The following SNCAIP variants were observed in gnomAD, a reference collection of about 807,000 sequenced individuals.
The protein encoded by SNCAIP is synuclein alpha interacting protein, also known as synphilin-1.
A neutral mutation model predicts 86.7 loss-of-function variants in SNCAIP; 43 were observed. That is an observed-to-expected ratio of 0.50 (90% confidence interval 0.39 to 0.64). SNCAIP has a LOEUF of 0.64. Among genes scored for constraint, SNCAIP ranks in the 30% least tolerant of loss-of-function variants. The probability of loss-of-function intolerance (pLI) is 0.00; values close to 1 mark genes in which losing one functional copy is unlikely to be tolerated. For synonymous variants in SNCAIP, 417 were observed against 427.2 expected, an observed-to-expected ratio of 0.98 and a Z score of 0.29; for missense variants, 981 against 1,103.1, an observed-to-expected ratio of 0.89 and a Z score of 1.57.
intron 1 of SNCAIP, among the ~76,000 whole-genome samples, chr5:122,382,976 A>G (rs1435088912): frequency 2.0e-5 from 3 of 152,172 alleles, no homozygotes; most frequent in Non-Finnish European, 4.4e-5. Context: ...AAGTCTGCAG[A>G]GGTTACTGCT....
At chr5:122,355,252 A>G (rs1760761347) in intron 1 of SNCAIP, among the ~76,000 whole-genome samples, 2 of 152,180 alleles carry the variant, frequency 1.3e-5, no homozygotes, top group Admixed American at 1.3e-4. Flanking sequence ...TGAAGTTTGC[A>G]TATTCTCTTT....
Position 122,396,997 on chromosome 5 carries a change from A to G in SNCAIP, c.57+5806A>G, listed in dbSNP as rs531118062. Among the ~76,000 whole-genome samples, 22 of 152,258 alleles carry G rather than the reference A, an allele frequency of 1.4e-4. No individual in the cohort carries two copies. The South Asian group carries it at 4.6e-3, about 32-fold the overall frequency. The stretch of plus-strand genomic sequence containing the variant: ...TATAAATAATAATATGATTGCTAAC[A>G]TTTATTGAACACTTAACTGTGCATC... On this transcript the variant is annotated intron_variant, in intron 2 of 10. Coordinates refer to ENST00000261368, the MANE Select transcript of SNCAIP (RefSeq NM_005460.4).
chr5:122,407,213 G>GGGGA (rs1448999876), intron 3 of SNCAIP, among the ~76,000 whole-genome samples: 2 of 152,130 alleles, frequency 1.3e-5, no homozygotes, highest in African/African-American at 2.4e-5. Context: ...TTTAGGAGCT[G>GGGGA]GGGAGGGAGG....
At chr5:122,400,333 A>G (rs1245992140) in intron 2 of SNCAIP, among the ~76,000 whole-genome samples, 3 of 152,236 alleles carry the variant, frequency 2.0e-5, no homozygotes, top group Non-Finnish European at 2.9e-5. Flanking sequence ...TAGTGTTAGT[A>G]TAAAGGCCTG....
intron 10 of SNCAIP, among the ~76,000 whole-genome samples, chr5:122,461,238 A>G (rs1421590227): frequency 1.3e-5 from 2 of 152,134 alleles, no homozygotes; most frequent in Non-Finnish European, 2.9e-5. Context: ...TTCTCTGCCA[A>G]TGGCTTGGAA....
intron 1 of SNCAIP, among the ~76,000 whole-genome samples, chr5:122,316,847 G>A (rs185397625): frequency 6.6e-6 from 1 of 152,108 alleles, no homozygotes; most frequent in African/African-American, 2.4e-5. Flanking sequence ...GCAGCTGCTG[G>A]GCCAGACAGA....
Position 122,440,754 on chromosome 5 carries a change from G to A in SNCAIP, c.1422G>A (p.Gln474=). The A allele has an allele frequency of 6.2e-7, 1 of 1,613,858 alleles. No individual in the cohort carries two copies. Among genetic ancestry groups the A allele is most frequent in the Non-Finnish European group, 8.5e-7 (1 of 1,179,780 alleles). ...AGCATGGCTACCTTGGATGCATACA[G>A]GTACACAGGCCCTGCTGTTTTGCAA... ...ASQHGYLGCI[Q]TLVEYGANVT... is the part of the protein sequence containing the mutation. The change falls in exon 7 of 11, where the codon CAG becomes CAA. Residue 474 remains glutamine, a splice_region_variant and synonymous_variant. Transcript: ENST00000261368.
intron 1 of SNCAIP, among the ~76,000 whole-genome samples, chr5:122,349,006 A>G (rs995247664): frequency 2.6e-5 from 4 of 152,180 alleles, no homozygotes; most frequent in Non-Finnish European, 4.4e-5. Context: ...TAATATTCCA[A>G]TGTGATCTTT....
At chr5:122,428,377 C>T (rs1259593893) in intron 5 of SNCAIP, among the ~76,000 whole-genome samples, 3 of 152,116 alleles carry the variant, frequency 2.0e-5, no homozygotes, top group African/African-American at 4.8e-5. Context: ...TTCAAACTCA[C>T]AATAGTGATA....
At chr5:122,392,738 A>G (rs1769681717) in intron 2 of SNCAIP, among the ~76,000 whole-genome samples, 1 of 152,196 alleles carries the variant, frequency 6.6e-6, no homozygotes, top group Non-Finnish European at 1.5e-5. Flanking sequence ...CCTTTCTGAG[A>G]TACACTTTAG....
At chr5:122,331,195 T>G (rs1384603322) in intron 1 of SNCAIP, among the ~76,000 whole-genome samples, 1 of 152,140 alleles carries the variant, frequency 6.6e-6, no homozygotes, top group African/African-American at 2.4e-5. Flanking sequence ...CTGATATCAG[T>G]CCATGGCCCA....
chr5:122,433,998 G>A (rs56261434), intron 6 of SNCAIP, among the ~76,000 whole-genome samples: 5,443 of 152,110 alleles, frequency 0.036, 345 homozygotes, highest in African/African-American at 0.12. Context: ...GTGCATTTTC[G>A]ACTTAACAAT....
At chr5:122,403,177 A>T (rs1370839667) in intron 2 of SNCAIP, among the ~76,000 whole-genome samples, 1 of 152,076 alleles carries the variant, frequency 6.6e-6, no homozygotes, top group East Asian at 1.9e-4. Context: ...TTCCACTCAA[A>T]CTAATCTATA....
In SNCAIP at chr5:122,417,869, G is replaced by T. The variant is rs1442854338; in HGVS notation, c.131-4999G>T. On this transcript the variant is annotated intron_variant, in intron 3 of 10. Transcript: ENST00000261368. Reference sequence around the variant, plus strand: ...TCTCAGGCTATCTTTGCCCTTGAGGGGTTCTCAGGAGGGAAGGTGAAACAG... The same window carrying T: ...TCTCAGGCTATCTTTGCCCTTGAGGTGTTCTCAGGAGGGAAGGTGAAACAG... Among the ~76,000 whole-genome samples the T allele has an allele frequency of 2.0e-5, 3 of 152,186 alleles. 1 individual carries two copies. The highest frequency in any genetic ancestry group is 7.2e-5 in the African/African-American group (3 of 41,438).
intron 1 of SNCAIP, among the ~76,000 whole-genome samples, chr5:122,340,701 T>C (rs2152720438): frequency 6.6e-6 from 1 of 152,216 alleles, no homozygotes; most frequent in East Asian, 1.9e-4. Flanking sequence ...TTGTCCTATG[T>C]GCATAAGTAA....
intron 3 of SNCAIP, among the ~76,000 whole-genome samples, chr5:122,411,208 C>A (rs1353288347): frequency 6.6e-6 from 1 of 152,130 alleles, no homozygotes; most frequent in African/African-American, 2.4e-5. Flanking sequence ...GAGGGACATC[C>A]TTTAGGCAGG....
intron 6 of SNCAIP, among the ~76,000 whole-genome samples, chr5:122,438,398 G>T (rs1780018633): frequency 6.6e-6 from 1 of 152,144 alleles, no homozygotes; most frequent in African/African-American, 2.4e-5. Flanking sequence ...GTGTTAAGGT[G>T]GTGTCCTGTC....
intron 1 of SNCAIP, among the ~76,000 whole-genome samples, chr5:122,324,332 ACT>A (rs1753589775): frequency 1.3e-5 from 2 of 152,110 alleles, no homozygotes; most frequent in South Asian, 4.1e-4. Context: ...CAGGATCACC[ACT>A]CTACTCCAGC....
intron 10 of SNCAIP, among the ~76,000 whole-genome samples, chr5:122,459,912 T>A (rs1785724041): frequency 6.6e-6 from 1 of 152,178 alleles, no homozygotes; most frequent in African/African-American, 2.4e-5. Flanking sequence ...TCAGGTGTTT[T>A]CTCTAGTATT....
Sources: allele counts gnomAD v4.1 joint callset (sites outside exome capture counted in the v4.1 genomes callset), GRCh38; gene constraint gnomAD v4.1.1; transcripts MANE v1.5; gene names NCBI Gene and HGNC (gene_info 2026-07-23, HGNC 2026-07-21).